Variants in PDCD1LG2 observed in about 807,000 individuals in gnomAD.
PDCD1LG2 encodes programmed cell death 1 ligand 2, also known as B7 dendritic cell molecule.
In PDCD1LG2, 32 loss-of-function variants were observed where a neutral mutation model predicts 28.2. The observed-to-expected ratio is 1.13, with a 90% CI of 0.86 to 1.52. The LOEUF (loss-of-function observed/expected upper bound fraction) is 1.52. PDCD1LG2 is among the 40% of genes most tolerant of loss of function. The pLI is 0.00. For synonymous variants in PDCD1LG2, 116 were observed against 120.2 expected (o/e 0.97, Z 0.23); for missense variants, 385 against 323.8 (o/e 1.19, Z -1.45).
intron 2 of PDCD1LG2, among the ~76,000 whole-genome samples, chr9:5,525,738 A>G (rs935695393): frequency 1.3e-5 from 2 of 152,126 alleles, no homozygotes; most frequent in African/African-American, 4.8e-5. Flanking sequence ...CCTTATATAT[A>G]GAAGATAAAG....
At chr9:5,556,896 A>G (rs1432841741) in intron 4 of PDCD1LG2, among the ~76,000 whole-genome samples, 1 of 152,198 alleles carries the variant, frequency 6.6e-6, no homozygotes, top group African/African-American at 2.4e-5. Context: ...GGCTTTCCCC[A>G]GCCTCCAGAA....
intron 2 of PDCD1LG2, among the ~76,000 whole-genome samples, chr9:5,525,999 A>G (rs1411809428): frequency 6.6e-6 from 1 of 150,588 alleles, no homozygotes; most frequent in Non-Finnish European, 1.5e-5. Context: ...GTGAGCCAAG[A>G]TCACGCCACT....
rs145550501 is a variant in PDCD1LG2, at chr9:5,545,163, A to G, written c.362-4172A>G. 7.8e-4 allele frequency among the ~76,000 whole-genome samples: 119 copies of G among 152,372 alleles called. No homozygotes were observed. The Middle Eastern group carries it at 0.01, about 13-fold the overall frequency. ...GTTCTAGACATCTAACTAATTATTTAACACCCTTGTTAAGGATAAGTATTG... is the reference window on the plus strand; with the variant it reads ...GTTCTAGACATCTAACTAATTATTTGACACCCTTGTTAAGGATAAGTATTG... On this transcript the variant is annotated intron_variant, in intron 3 of 6. Transcript: ENST00000397747.
intron 3 of PDCD1LG2, among the ~76,000 whole-genome samples, chr9:5,537,675 A>C (rs963882344): frequency 6.6e-6 from 1 of 152,226 alleles, no homozygotes; most frequent in Non-Finnish European, 1.5e-5. Context: ...TGGGAATTGA[A>C]CAATGAGAAC....
chr9:5,511,121 T>C (rs887780241), intron 1 of PDCD1LG2, among the ~76,000 whole-genome samples: 7 of 152,248 alleles, frequency 4.6e-5, no homozygotes, highest in Non-Finnish European at 7.3e-5. Flanking sequence ...GGAGGCTTAA[T>C]GGTGAAGAAC....
intron 3 of PDCD1LG2, among the ~76,000 whole-genome samples, chr9:5,548,712 TG>T (rs369030964): frequency 7.9e-5 from 12 of 152,320 alleles, no homozygotes; most frequent in African/African-American, 2.9e-4. Flanking sequence ...TGTATCTGCA[TG>T]TGTTAGGGAG....
chr9:5,522,091 C>T (rs1030681048), intron 1 of PDCD1LG2, among the ~76,000 whole-genome samples: 18 of 152,198 alleles, frequency 1.2e-4, no homozygotes, highest in African/African-American at 4.3e-4. Context: ...GAATGTAGCT[C>T]TGTTCTATGG....
chr9:5,529,245 A>G (rs1362677333), intron 2 of PDCD1LG2, among the ~76,000 whole-genome samples: 1 of 152,168 alleles, frequency 6.6e-6, no homozygotes, highest in Non-Finnish European at 1.5e-5. Context: ...GATGTAAAAG[A>G]TTGTCTTCTA....
chr9:5,533,505 T>A (rs929883119), intron 2 of PDCD1LG2, among the ~76,000 whole-genome samples: 1 of 152,224 alleles, frequency 6.6e-6, no homozygotes, highest in African/African-American at 2.4e-5. Context: ...GATACTGTTA[T>A]CTACCCGGAA....
chr9:5,526,338 T>C (rs1402111970), intron 2 of PDCD1LG2, among the ~76,000 whole-genome samples: 1 of 152,178 alleles, frequency 6.6e-6, no homozygotes, highest in Admixed American at 6.5e-5. Context: ...CTTTGTCAGC[T>C]CCCCAGAAAT....
intron 6 of PDCD1LG2, among the ~76,000 whole-genome samples, chr9:5,568,317 C>T (rs1816706523): frequency 6.6e-6 from 1 of 152,274 alleles, no homozygotes; most frequent in Admixed American, 6.5e-5. Flanking sequence ...GGGAGACAAG[C>T]GGGCACTACT....
chr9:5,521,370 A>G (rs1187640760), intron 1 of PDCD1LG2, among the ~76,000 whole-genome samples: 3 of 152,222 alleles, frequency 2.0e-5, no homozygotes, highest in African/African-American at 7.2e-5. Context: ...TGTGTTTTAA[A>G]TATATATACA....
chr9:5,522,509 G>A (rs2129725242), intron 1 of PDCD1LG2, 24 bp from the exon 2 acceptor site: 1 of 1,595,108 alleles, frequency 6.3e-7, no homozygotes, highest in African/African-American at 1.3e-5. Flanking sequence ...ACAAGGCCCT[G>A]AGACTTTCAA....
intron 5 of PDCD1LG2, among the ~76,000 whole-genome samples, chr9:5,558,922 C>CCAA (rs1816501820): frequency 6.6e-6 from 1 of 152,134 alleles, no homozygotes; most frequent in Non-Finnish European, 1.5e-5. Flanking sequence ...GGAGGTATGT[C>CCAA]CAACAGAACT....
In PDCD1LG2 at chr9:5,527,205, T is replaced by TA. The variant is rs568335075; in HGVS notation, c.55+4610dup. ...TATACCATAACATTTATTCTTTTTT[T>TA]AAAAAAGTCTTATGAATTTTAACAA... On this transcript the variant is annotated intron_variant, in intron 2 of 6. Coordinates refer to ENST00000397747, the MANE Select transcript of PDCD1LG2 (RefSeq NM_025239.4). Among the ~76,000 whole-genome samples the TA allele has an allele frequency of 4.7e-3, 716 of 152,332 alleles. 5 individuals carry two copies. Among genetic ancestry groups the TA allele is most frequent in the Middle Eastern group, 0.02 (6 of 294 alleles).
intron 1 of PDCD1LG2, among the ~76,000 whole-genome samples, chr9:5,512,029 AG>A (rs1820069927): frequency 6.6e-6 from 1 of 152,208 alleles, no homozygotes. Context: ...TGTAATGGAC[AG>A]GGGGAAGTTT....
chr9:5,555,113 G>C (rs1816410903), intron 4 of PDCD1LG2, among the ~76,000 whole-genome samples: 1 of 152,158 alleles, frequency 6.6e-6, no homozygotes, highest in African/African-American at 2.4e-5. Flanking sequence ...TTATATCATT[G>C]CTAAGAGTAT....
rs10975158 is a variant in PDCD1LG2, at chr9:5,522,943, C to T, written c.55+342C>T. ...CCCTTAAAGGTGAGATGCCAAGCAG[C>T]TGTCCCCTTCCTTTCTGGCAGGGAG... On this transcript the variant is annotated intron_variant, in intron 2 of 6. Transcript: ENST00000397747. 0.029 allele frequency among the ~76,000 whole-genome samples: 4,375 copies of T among 152,254 alleles called. 318 individuals are homozygous for T. In the East Asian group the frequency reaches 0.3, roughly 11 times the overall value.
At chr9:5,557,517 C>T (rs2129918878) in intron 4 of PDCD1LG2, 101 bp from the exon 5 acceptor site, 1 of 1,380,798 alleles carries the variant, frequency 7.2e-7, no homozygotes, top group Admixed American at 1.8e-5. Context: ...AAATGCTCCA[C>T]AGAGCTAGCC....
Sources: allele counts gnomAD v4.1 joint callset (sites outside exome capture counted in the v4.1 genomes callset), GRCh38; gene constraint gnomAD v4.1.1; transcripts MANE v1.5; gene names NCBI Gene and HGNC (gene_info 2026-07-23, HGNC 2026-07-21).